Variants in PLIN3 observed in about 807,000 individuals in gnomAD.
PLIN3 encodes the protein perilipin 3.
A neutral mutation model predicts 35.9 loss-of-function variants in PLIN3; 30 were observed. That is an observed-to-expected ratio of 0.84 (90% CI 0.62 to 1.13). The LOEUF (loss-of-function observed/expected upper bound fraction) is 1.13. Among genes scored for constraint, PLIN3 ranks in the 50% most tolerant of loss-of-function variants. PLIN3 has a pLI of 0.00. For synonymous variants in PLIN3, 261 were observed against 262.5 expected, an observed-to-expected ratio of 0.99 and a Z score of 0.06; for missense variants, 603 against 596.9, an observed-to-expected ratio of 1.01 and a Z score of -0.11.
chr19:4,861,337 C>T lies in PLIN3; in HGVS notation c.58G>A (p.Val20Ile), dbSNP rs767438553. 6.2e-7 allele frequency: 1 copy of T among 1,613,580 alleles called. No individual in the cohort carries two copies. The highest frequency in any genetic ancestry group is 8.5e-7 in the Non-Finnish European group (1 of 1,179,806). The change falls in exon 2 of 8, where the codon GTA (valine) becomes ATA (isoleucine). Residue 20 changes from valine to isoleucine, a missense_variant. Physicochemically the swap from Val to Ile is conservative, Grantham distance 29. Transcript: ENST00000221957. ...TCCCGGCCCTTCCTCACCTGCTGTA[C>T]CGGTTCTTCCACTGTCACCTGGGTG... ...GSTQVTVEEP[V>I]QQPSVVDRVA... is the part of the protein sequence containing the mutation.
chr19:4,858,596 A>C (rs1359760330), intron 4 of PLIN3, among the ~76,000 whole-genome samples: 10 of 149,852 alleles, frequency 6.7e-5, no homozygotes, highest in South Asian at 4.2e-4. Context: ...GTTTGCCAGG[A>C]TGGTCTCGAT....
chr19:4,847,655 C>T (rs777732769), intron 6 of PLIN3, 36 bp downstream of exon 6: 13 of 1,538,986 alleles, frequency 8.4e-6, no homozygotes, highest in South Asian at 8.3e-5. Context: ...GGGGTGAAGG[C>T]TGCTGGCTCA....
intron 5 of PLIN3, among the ~76,000 whole-genome samples, chr19:4,849,391 T>A (rs1049523969): frequency 3.9e-5 from 6 of 152,004 alleles, no homozygotes; most frequent in Admixed American, 3.9e-4. Flanking sequence ...CACTGTAGCC[T>A]TGAACTCCCA....
At chr19:4,858,244 C>G (rs1234070200) in intron 4 of PLIN3, among the ~76,000 whole-genome samples, 2 of 132,012 alleles carry the variant, frequency 1.5e-5, no homozygotes, top group African/African-American at 5.8e-5. Context: ...TGCACACCAG[C>G]CTGGCAACAG....
chr19:4,861,464 G>GA (rs2030674905), intron 1 of PLIN3, 53 bp from the exon 2 acceptor site: 1 of 1,306,526 alleles, frequency 7.7e-7, no homozygotes, highest in African/African-American at 1.4e-5. Context: ...CCTTCCAGGA[G>GA]AAAGTCCAGG....
At chr19:4,840,762 T>C (rs1269126435) in intron 7 of PLIN3, among the ~76,000 whole-genome samples, 1 of 152,030 alleles carries the variant, frequency 6.6e-6, no homozygotes, top group African/African-American at 2.4e-5. Flanking sequence ...CTGACCAACA[T>C]GGCGAAACCC....
At chr19:4,848,873 A>T (rs1226620535) in intron 5 of PLIN3, among the ~76,000 whole-genome samples, 2 of 152,180 alleles carry the variant, frequency 1.3e-5, no homozygotes, top group Non-Finnish European at 2.9e-5. Flanking sequence ...TCAAAAAAAA[A>T]AGAGAATAAT....
intron 2 of PLIN3, among the ~76,000 whole-genome samples, chr19:4,860,360 G>A (rs1210000052): frequency 6.6e-6 from 1 of 151,778 alleles, no homozygotes; most frequent in Non-Finnish European, 1.5e-5. Context: ...GTGCCACCAC[G>A]CCCAGCTAAT....
chr19:4,853,120 G>GTT (rs35272169), intron 4 of PLIN3, among the ~76,000 whole-genome samples: 10 of 145,942 alleles, frequency 6.9e-5, no homozygotes, highest in African/African-American at 2.0e-4. Context: ...CCTGTTTTTT[G>GTT]TTTTTTTTTT....
rs994749340 is a variant in PLIN3 at position 4,860,030 on chromosome 19, G to C, written c.67-6C>G. On this transcript the variant is annotated splice_polypyrimidine_tract_variant and splice_region_variant and intron_variant, in intron 2 of 7. Transcript: ENST00000221957. ...ACACGGTCCACCACACTGGGCTACA[G>C]GAGAGAAGTGGCTCAGGCAAACTGG... 3 of 1,613,650 alleles carry C rather than the reference G, an allele frequency of 1.9e-6. No individual in the cohort carries two copies. In the African/African-American group the frequency reaches 4.0e-5, roughly 22 times the overall value.
intron 4 of PLIN3, among the ~76,000 whole-genome samples, chr19:4,852,531 C>G (rs1418671833): frequency 6.6e-6 from 1 of 152,208 alleles, no homozygotes; most frequent in Admixed American, 6.5e-5. Context: ...GAGTTGTGGG[C>G]ATGACCTCAT....
At chr19:4,846,060 T>C (rs531509393) in intron 6 of PLIN3, among the ~76,000 whole-genome samples, 1 of 150,804 alleles carries the variant, frequency 6.6e-6, no homozygotes, top group African/African-American at 2.4e-5. Context: ...CCATCTCTAC[T>C]AAAAATAGAA....
chr19:4,862,322 C>T (rs991514820), intron 1 of PLIN3, among the ~76,000 whole-genome samples: 4 of 151,766 alleles, frequency 2.6e-5, no homozygotes, highest in Admixed American at 6.6e-5. Context: ...TTAGTAGAAA[C>T]GGGTTTTCAC....
intron 6 of PLIN3, 120 bp from the exon 7 acceptor site, chr19:4,844,913 G>A: frequency 8.5e-7 from 1 of 1,176,072 alleles, no homozygotes; most frequent in Non-Finnish European, 1.2e-6. Context: ...AAAGAGAAAG[G>A]GAGGGAGGGA....
rs186962357 is a variant in PLIN3 at position 4,841,629 on chromosome 19, G to A, written c.961-2093C>T. 6.6e-4 allele frequency among the ~76,000 whole-genome samples: 99 copies of A among 150,394 alleles called. 1 individual carries two copies. In the East Asian group the frequency reaches 7.8e-3, roughly 12 times the overall value. On this transcript the variant is annotated intron_variant, in intron 7 of 7. Transcript: ENST00000221957. ...TAAAAAAAAAAAAAAGGCTGGGTGC[G>A]GTGGCTCACCCCTGTAATCCCCAGC...
intron 5 of PLIN3, among the ~76,000 whole-genome samples, chr19:4,850,272 T>C (rs2030242070): frequency 6.6e-6 from 1 of 150,686 alleles, no homozygotes; most frequent in Non-Finnish European, 1.5e-5. Flanking sequence ...CTGCTCCTAC[T>C]GTACCCATGC....
Position 4,844,860 on chromosome 19 carries a change from C to T in PLIN3, c.835-67G>A, listed in dbSNP as rs151261609. ...GGGAGAGACGGGATTCCAGAAGGAA[C>T]CCAAGGAATCCTTCCAGCATCTGAC... On this transcript the variant is annotated intron_variant, in intron 6 of 7. Transcript: ENST00000221957. 2.4e-4 allele frequency: 346 copies of T among 1,469,566 alleles called. No homozygotes were observed. The African/African-American group carries it at 4.4e-3, about 19-fold the overall frequency. The allele number at this position is 1,469,566 out of a possible 1,614,324, so 91.0% of individuals were successfully genotyped here. A position where few individuals can be genotyped will look rare whatever the true frequency, so the allele number is the denominator to read the frequency against.
rs377587687 is a variant in PLIN3 at position 4,861,155 on chromosome 19, C to T, written c.66+174G>A. Among the ~76,000 whole-genome samples the T allele has an allele frequency of 2.0e-5, 3 of 152,244 alleles. No homozygotes were observed. The East Asian group carries it at 5.8e-4, about 29-fold the overall frequency. On this transcript the variant is annotated intron_variant, in intron 2 of 7. Transcript: ENST00000221957. ...CCTCCAAGGGCCTTTGAGATTCCCC[C>T]CTCCCAACTGGGGACACCAGTGAGT...
At chr19:4,855,408 G>A (rs576503708) in intron 4 of PLIN3, among the ~76,000 whole-genome samples, 26 of 152,188 alleles carry the variant, frequency 1.7e-4, no homozygotes, top group Middle Eastern at 3.4e-3. Context: ...GCCCTGAGAC[G>A]GGGGCTCCTG....
Sources: allele counts gnomAD v4.1 joint callset (sites outside exome capture counted in the v4.1 genomes callset), GRCh38; gene constraint gnomAD v4.1.1; transcripts MANE v1.5; gene names NCBI Gene and HGNC (gene_info 2026-07-23, HGNC 2026-07-21).